Variants in MPPED2 observed in about 807,000 individuals in gnomAD.
MPPED2 encodes metallophosphoesterase MPPED2.
In MPPED2, 5 loss-of-function variants were observed where a neutral mutation model predicts 33.0. That is an observed-to-expected ratio of 0.15 (90% CI 0.08 to 0.32). The LOEUF is 0.32. Among genes scored for constraint, MPPED2 ranks in the 10% least tolerant of loss-of-function variants. The pLI, the probability that MPPED2 is intolerant of heterozygous loss-of-function variation, is 1.00. For synonymous variants in MPPED2, 136 were observed against 141.9 expected (o/e 0.96, Z 0.29); for missense variants, 275 against 372.1 (o/e 0.74, Z 2.15).
intron 4 of MPPED2, among the ~76,000 whole-genome samples, chr11:30,433,496 C>T (rs1014302340): frequency 6.6e-6 from 1 of 152,052 alleles, no homozygotes; most frequent in African/African-American, 2.4e-5. Context: ...GAAACTGAGG[C>T]AAAAAGAGGC....
At chr11:30,466,454 A>C (rs1448169490) in intron 4 of MPPED2, among the ~76,000 whole-genome samples, 2 of 152,232 alleles carry the variant, frequency 1.3e-5, no homozygotes, top group Non-Finnish European at 2.9e-5. Context: ...GGAGGCCAGG[A>C]GCACCCTGAC....
At chr11:30,390,412 A>G (rs1217112697) in intron 6 of MPPED2, among the ~76,000 whole-genome samples, 3 of 152,194 alleles carry the variant, frequency 2.0e-5, no homozygotes, top group East Asian at 1.9e-4. Flanking sequence ...TAGGCCTCAA[A>G]TGTTGACAGC....
chr11:30,557,923 C>T (rs1429085606), intron 2 of MPPED2, among the ~76,000 whole-genome samples: 11 of 152,036 alleles, frequency 7.2e-5, no homozygotes, highest in African/African-American at 4.8e-5. Context: ...ATTCCTTGGG[C>T]GTGTTGAACT....
In MPPED2 at chr11:30,586,227, GC is replaced by G; in HGVS notation, c.-308del. 1 of 153,282 alleles carries G rather than the reference GC, an allele frequency of 6.5e-6. No homozygotes were observed. The highest frequency in any genetic ancestry group is 1.5e-5 in the Non-Finnish European group (1 of 68,862). 9.5% of individuals were successfully genotyped at this position (153,282 alleles called of 1,614,324 possible). ...GCAGGCTGGGGCTGGGGGCCAGGGG[GC>G]GCGGCGCTAGAGGGAGGCGGGGGGA... On this transcript the variant is annotated 5_prime_UTR_variant, in exon 1 of 7. Transcript: ENST00000358117. This position sits in a 1 kb window ranked among gnomAD's most constrained non-coding sequence, Gnocchi z 4.8.
chr11:30,529,300 T>C (rs1954379755), intron 3 of MPPED2, among the ~76,000 whole-genome samples: 1 of 152,208 alleles, frequency 6.6e-6, no homozygotes, highest in Non-Finnish European at 1.5e-5. Context: ...AGTAATTACT[T>C]TGGAAATATA....
chr11:30,516,085 A>G (rs1197984456), intron 3 of MPPED2, among the ~76,000 whole-genome samples: 1 of 152,138 alleles, frequency 6.6e-6, no homozygotes, highest in African/African-American at 2.4e-5. Flanking sequence ...ATAAATCATA[A>G]CATCTTTCCC....
chr11:30,433,310 T>A (rs1240876758), intron 4 of MPPED2, among the ~76,000 whole-genome samples: 1 of 152,348 alleles, frequency 6.6e-6, no homozygotes, highest in Admixed American at 6.5e-5. Context: ...ATGTAATGGA[T>A]CCTGTTCTAA....
rs1335889117 is a variant in MPPED2, at chr11:30,483,050, G to A, written c.536+12246C>T. Among the ~76,000 whole-genome samples, 4 of 152,222 alleles carry A rather than the reference G, an allele frequency of 2.6e-5. No homozygotes were observed. The South Asian group carries it at 8.3e-4, about 32-fold the overall frequency. ...CACTCAATACCCTGAAAATTCGCTCGTCTCTCATGGGCCTGCCTCTGAAGC... is the reference window on the plus strand; with the variant it reads ...CACTCAATACCCTGAAAATTCGCTCATCTCTCATGGGCCTGCCTCTGAAGC... On this transcript the variant is annotated intron_variant, in intron 4 of 6. Transcript: ENST00000358117.
intron 2 of MPPED2, among the ~76,000 whole-genome samples, chr11:30,566,240 G>A (rs1210941262): frequency 6.6e-6 from 1 of 152,092 alleles, no homozygotes; most frequent in Non-Finnish European, 1.5e-5. Flanking sequence ...CTCCAAATAT[G>A]ATCAATAAGT....
chr11:30,508,166 G>A (rs1016249718), intron 3 of MPPED2, among the ~76,000 whole-genome samples: 9 of 152,014 alleles, frequency 5.9e-5, no homozygotes, highest in South Asian at 2.1e-4. Context: ...TCAGGTAATC[G>A]GAACACAGTT....
chr11:30,577,157 T>A (rs1956966197), intron 2 of MPPED2, among the ~76,000 whole-genome samples: 1 of 152,198 alleles, frequency 6.6e-6, no homozygotes, highest in South Asian at 2.1e-4. Context: ...TCCTTAACCA[T>A]CATTTGGTGC....
At chr11:30,565,016 A>T (rs1956386097) in intron 2 of MPPED2, among the ~76,000 whole-genome samples, 1 of 152,146 alleles carries the variant, frequency 6.6e-6, no homozygotes, top group African/African-American at 2.4e-5. Context: ...ATTAACTGAA[A>T]CACACCAATA....
intron 3 of MPPED2, among the ~76,000 whole-genome samples, chr11:30,529,775 T>A (rs1397036621): frequency 6.6e-6 from 1 of 152,162 alleles, no homozygotes; most frequent in African/African-American, 2.4e-5. Flanking sequence ...AATATAGTCT[T>A]CTGAGAGAGG....
intron 4 of MPPED2, among the ~76,000 whole-genome samples, chr11:30,418,458 G>A (rs999904679): frequency 6.6e-6 from 1 of 152,182 alleles, no homozygotes; most frequent in Non-Finnish European, 1.5e-5. Context: ...TAAGATACAA[G>A]TAATGGGAGA....
At chr11:30,581,965 C>A (rs1222223068) in intron 1 of MPPED2, among the ~76,000 whole-genome samples, 2 of 152,152 alleles carry the variant, frequency 1.3e-5, no homozygotes, top group Admixed American at 6.5e-5. Context: ...AGATGATAGA[C>A]AACCAGGCCA....
intron 3 of MPPED2, among the ~76,000 whole-genome samples, chr11:30,512,418 G>A (rs1236630639): frequency 6.6e-6 from 1 of 152,134 alleles, no homozygotes; most frequent in Non-Finnish European, 1.5e-5. Context: ...TGGGGCAAGT[G>A]GGGTCAAGGG....
chr11:30,494,405 G>A (rs530752821), intron 4 of MPPED2, among the ~76,000 whole-genome samples: 2 of 152,112 alleles, frequency 1.3e-5, no homozygotes, highest in African/African-American at 4.8e-5. Flanking sequence ...ATAATCAGAG[G>A]TTCCGCATCC....
downstream of MPPED2, among the ~76,000 whole-genome samples, chr11:30,406,606 GAC>G (rs1423123786): frequency 3.3e-5 from 5 of 152,190 alleles, no homozygotes; most frequent in Non-Finnish European, 7.3e-5. Flanking sequence ...CTAGAAGGCC[GAC>G]ACATCCTGCT....
intron 4 of MPPED2, among the ~76,000 whole-genome samples, chr11:30,487,244 G>A (rs868042212): frequency 6.6e-6 from 1 of 152,214 alleles, no homozygotes; most frequent in South Asian, 2.1e-4. Context: ...TGGAGGTCCA[G>A]GTCTTCTGTG....
Sources: gnomAD v4.1 joint callset for allele counts (sites outside exome capture counted in the v4.1 genomes callset) on GRCh38, gnomAD v4.1.1 for gene constraint, Gnocchi (gnomAD v3.1) non-coding constraint, MANE v1.5 for transcripts, NCBI Gene and HGNC (gene_info 2026-07-23, HGNC 2026-07-21) for gene names.